APPBP2: variants seen among roughly 807,000 people sequenced by gnomAD.
APPBP2 encodes amyloid protein-binding protein 2.
In APPBP2, 15 loss-of-function variants were observed where a neutral mutation model predicts 76.0. The observed-to-expected ratio is 0.20, with a 90% CI of 0.13 to 0.30. The LOEUF (loss-of-function observed/expected upper bound fraction) is 0.30, where lower values mean the gene tolerates loss of function less well. APPBP2 is among the 10% of genes least tolerant of loss of function. The pLI is 1.00. For synonymous variants in APPBP2, 222 were observed against 242.2 expected, an observed-to-expected ratio of 0.92 and a Z score of 0.77; for missense variants, 401 against 687.2, an observed-to-expected ratio of 0.58 and a Z score of 4.66.
At chr17:60,522,157 T>C (rs886115215) in intron 1 of APPBP2, among the ~76,000 whole-genome samples, 2 of 152,212 alleles carry the variant, frequency 1.3e-5, no homozygotes, top group Non-Finnish European at 2.9e-5. Context: ...TTATTAACTA[T>C]TCTTTTACAC....
chr17:60,466,254 TTA>T (rs1202142099), intron 5 of APPBP2, 35 bp downstream of exon 5: 60 of 1,580,116 alleles, frequency 3.8e-5, no homozygotes, highest in Non-Finnish European at 5.2e-5. Context: ...TTATAGGTAC[TTA>T]TTGGTCACAG....
At chr17:60,500,792 TAAAC>T (rs2090816821) in intron 1 of APPBP2, among the ~76,000 whole-genome samples, 1 of 152,170 alleles carries the variant, frequency 6.6e-6, no homozygotes, top group African/African-American at 2.4e-5. Flanking sequence ...CTTTTTTACT[TAAAC>T]AAAACTGGAG....
intron 2 of APPBP2, 107 bp downstream of exon 2, chr17:60,500,292 C>G: frequency 6.5e-6 from 5 of 772,758 alleles, no homozygotes; most frequent in Non-Finnish European, 1.0e-5. Flanking sequence ...CAGGCGTAAG[C>G]CACAGCACCC....
rs749133760 is a variant in APPBP2, at chr17:60,479,238, T to A, written c.413A>T (p.Asp138Val). The A allele has an allele frequency of 6.2e-7, 1 of 1,613,508 alleles. No individual in the cohort carries two copies. Among genetic ancestry groups the A allele is most frequent in the Admixed American group, 1.7e-5 (1 of 59,898 alleles). The change falls in exon 4 of 13, where the codon GAT becomes GTT. Residue 138 changes from aspartate (D) to valine (V), a missense_variant. By Grantham distance (152) the Asp-to-Val change is radical. Coordinates refer to ENST00000083182, the MANE Select transcript of APPBP2 (RefSeq NM_006380.5). The stretch of plus-strand genomic sequence containing the variant: ...GCAGGACAGAAAAACTTTCTCAGCA[T>A]CACTGTACCAGCCTGCATCTGAAAG... ...GFLSDAGWYS[D>V]AEKVFLSCLQ...
intron 2 of APPBP2, among the ~76,000 whole-genome samples, chr17:60,498,718 A>C: frequency 6.6e-6 from 1 of 152,220 alleles, no homozygotes; most frequent in East Asian, 1.9e-4. Context: ...AATATGTTCT[A>C]AAATACATAA....
At position 60,518,350 on chromosome 17, in the gene APPBP2, TGTG is replaced by T. The variant is rs1567943560; in HGVS notation, c.138+7441_138+7443del. On this transcript the variant is annotated intron_variant, in intron 1 of 12. Transcript: ENST00000083182. ...GCATGAGCTACCATGCCCAGCCGTG[TGTG>T]CGTGCGTGTGTGTGTGTGTGTGTGT... Among the ~76,000 whole-genome samples the T allele has an allele frequency of 2.8e-4, 32 of 114,790 alleles. 2 individuals carry two copies. Among genetic ancestry groups the T allele is most frequent in the African/African-American group, 2.3e-3 (32 of 13,942 alleles). The allele number at this position is 114,790 out of a possible 152,430, so 75.3% of individuals were successfully genotyped here. A position where few individuals can be genotyped will look rare whatever the true frequency, so the allele number is the denominator to read the frequency against.
intron 3 of APPBP2, among the ~76,000 whole-genome samples, chr17:60,481,080 C>T (rs534547550): frequency 6.6e-6 from 1 of 152,186 alleles, no homozygotes; most frequent in Non-Finnish European, 1.5e-5. Flanking sequence ...CCTAGACCCA[C>T]GGGCCCTCTT....
At chr17:60,486,004 T>C (rs2090674448) in intron 3 of APPBP2, among the ~76,000 whole-genome samples, 1 of 152,170 alleles carries the variant, frequency 6.6e-6, no homozygotes, top group Non-Finnish European at 1.5e-5. Context: ...CGTAGTTGTG[T>C]GGTTTTGAGC....
At chr17:60,519,003 G>A (rs1423028431) in intron 1 of APPBP2, among the ~76,000 whole-genome samples, 1 of 152,136 alleles carries the variant, frequency 6.6e-6, no homozygotes, top group Non-Finnish European at 1.5e-5. Flanking sequence ...GTGTTGCCCA[G>A]GCTAGTGTGC....
chr17:60,459,489 CTTT>C (rs35042120), intron 9 of APPBP2: 5 of 116,130 alleles, frequency 4.3e-5, no homozygotes, highest in Non-Finnish European at 3.4e-5. Flanking sequence ...GTTGTAGTCC[CTTT>C]TTTTTTTTTT....
chr17:60,485,965 T>A (rs942587311), intron 3 of APPBP2, among the ~76,000 whole-genome samples: 4 of 152,194 alleles, frequency 2.6e-5, no homozygotes, highest in African/African-American at 9.7e-5. Flanking sequence ...TACCCAGTAG[T>A]CATTCAGGAG....
chr17:60,526,165 A>T lies in APPBP2; in HGVS notation c.-234T>A. The stretch of plus-strand genomic sequence containing the variant: ...AGAAAACAGCGGCCAGCCAGGCCAA[A>T]AGCGTCACAATCCCGGTTCGAGAGG... On this transcript the variant is annotated 5_prime_UTR_variant, in exon 1 of 13. Transcript: ENST00000083182. 1 of 527,608 alleles carries T rather than the reference A, an allele frequency of 1.9e-6. No individual in the cohort carries two copies. The highest frequency in any genetic ancestry group is 3.4e-6 in the Non-Finnish European group (1 of 291,462). 32.7% of individuals were successfully genotyped at this position (527,608 alleles called of 1,614,324 possible).
intron 11 of APPBP2, among the ~76,000 whole-genome samples, chr17:60,453,181 A>G (rs2090407717): frequency 6.6e-6 from 1 of 152,080 alleles, no homozygotes; most frequent in Non-Finnish European, 1.5e-5. Flanking sequence ...TATCTCAAGT[A>G]CTACTTTCAT....
chr17:60,518,530 A>G (rs1297389951), intron 1 of APPBP2, among the ~76,000 whole-genome samples: 63 of 133,812 alleles, frequency 4.7e-4, no homozygotes, highest in African/African-American at 2.2e-3. Flanking sequence ...GTGTGTGTGA[A>G]AGAGAGAGAG....
intron 12 of APPBP2, among the ~76,000 whole-genome samples, chr17:60,450,615 TA>T (rs572100853): frequency 0.09 from 12,289 of 137,278 alleles, 1,661 homozygotes; most frequent in African/African-American, 0.3. Context: ...ATTGAAACAA[TA>T]AAAAAAAAAA....
At chr17:60,515,368 G>A (rs1034272428) in intron 1 of APPBP2, among the ~76,000 whole-genome samples, 1 of 151,820 alleles carries the variant, frequency 6.6e-6, no homozygotes, top group Non-Finnish European at 1.5e-5. Context: ...CACCCACCCT[G>A]GCCTTCCAAA....
chr17:60,509,392 AC>A (rs1428545363), intron 1 of APPBP2, among the ~76,000 whole-genome samples: 8 of 152,048 alleles, frequency 5.3e-5, no homozygotes, highest in Admixed American at 1.3e-4. Flanking sequence ...AAAAAAAAAA[AC>A]ATGTTTGAAA....
In APPBP2 at chr17:60,456,381, T is replaced by C. The variant is rs902982524; in HGVS notation, c.1062A>G (p.Leu354=). ...TACCAATAGCTCTTTCTGCATGAAA[T>C]CTGTAATACAGATAGATACAGTCTG... The part of the protein sequence containing the change: ...QYSSGKFDNA[L]FHAERAIGII... Residue 354 remains leucine (L), a splice_region_variant and synonymous_variant, in exon 10 of 13, where the codon CTA becomes CTG. Coordinates refer to ENST00000083182, the MANE Select transcript of APPBP2 (RefSeq NM_006380.5). The C allele has an allele frequency of 6.3e-7, 1 of 1,578,742 alleles. No individual in the cohort carries two copies. The highest frequency in any genetic ancestry group is 8.7e-7 in the Non-Finnish European group (1 of 1,148,336).
chr17:60,498,829 A>C (rs1276264308), intron 2 of APPBP2, among the ~76,000 whole-genome samples: 1 of 152,216 alleles, frequency 6.6e-6, no homozygotes, highest in East Asian at 1.9e-4. Flanking sequence ...TTCATAGTGA[A>C]ATAATACCAG....
Sources: allele counts gnomAD v4.1 joint callset (sites outside exome capture counted in the v4.1 genomes callset), GRCh38; gene constraint gnomAD v4.1.1; transcripts MANE v1.5; gene names NCBI Gene and HGNC (gene_info 2026-07-23, HGNC 2026-07-21).